Variants in ARRB2 observed in about 807,000 individuals in gnomAD.
The protein encoded by ARRB2 is beta-arrestin-2.
ARRB2 carries 21 observed loss-of-function variants against 53.4 expected under a neutral mutation model. The observed-to-expected ratio is 0.39, with a 90% CI of 0.28 to 0.57. ARRB2 has a LOEUF of 0.57. Among genes scored for constraint, ARRB2 ranks in the 20% least tolerant of loss-of-function variants. The pLI is 0.55. For missense variants in ARRB2, 369 were observed against 527.5 expected (o/e 0.70, Z 2.94); for synonymous variants, 180 against 212.9 (o/e 0.85, Z 1.34).
chr17:4,720,709 A>G (rs900922685), intron 14 of ARRB2, 69 bp downstream of exon 14: 14 of 1,363,046 alleles, frequency 1.0e-5, no homozygotes, highest in South Asian at 4.2e-5. Flanking sequence ...ATCTGCCCTC[A>G]TACCTCTTCC....
At chr17:4,718,532 C>A in intron 9 of ARRB2, 80 bp from the exon 10 acceptor site, 1 of 1,462,222 alleles carries the variant, frequency 6.8e-7, no homozygotes, top group Non-Finnish European at 9.4e-7. Context: ...ATGGGGGGGC[C>A]ACGCCACGGG....
At position 4,719,331 on chromosome 17, in the gene ARRB2, C is replaced by G. The variant is rs376959080; in HGVS notation, c.828C>G (p.Thr276=). The change falls in exon 11 of 15, where the codon ACC becomes ACG. Residue 276 remains threonine, a synonymous_variant. Transcript: ENST00000269260. ...CATTCTGTAAGGTGTACACCATAAC[C>G]CCACTGCTCAGCGACAACCGGGAGA... is the stretch of plus-strand genomic sequence containing the variant. ...SSTFCKVYTI[T]PLLSDNREKR... 8.7e-6 allele frequency: 14 copies of G among 1,614,144 alleles called. No homozygotes were observed. Among genetic ancestry groups the G allele is most frequent in the Non-Finnish European group, 1.2e-5 (14 of 1,180,000 alleles).
Position 4,720,222 on chromosome 17 carries a change from G to A in ARRB2, c.924G>A (p.Lys308=), listed in dbSNP as rs764213737. The A allele has an allele frequency of 3.1e-6, 5 of 1,612,886 alleles. No homozygotes were observed. In the Admixed American group the frequency reaches 8.4e-5, roughly 27 times the overall value. ...DTNLASSTIV[K]EGANKEVLGI... Reference sequence around the variant, plus strand: ...CCAACACCCTCAATTGCAGCGTGAAGGAGGGTGCCAACAAGGAGGTGCTGG... The same window carrying A: ...CCAACACCCTCAATTGCAGCGTGAAAGAGGGTGCCAACAAGGAGGTGCTGG... Residue 308 remains lysine (K), a synonymous_variant, in exon 12 of 15, where the codon AAG becomes AAA. Coordinates refer to ENST00000269260, the MANE Select transcript of ARRB2 (RefSeq NM_004313.4).
At chr17:4,718,847 C>T (rs7218699) in intron 10 of ARRB2, among the ~76,000 whole-genome samples, 163 bp downstream of exon 10, 1,693 of 148,710 alleles carry the variant, frequency 0.011, 38 homozygotes, top group African/African-American at 0.038. Context: ...AATGGGGCAA[C>T]CTCTGCTCAC....
At chr17:4,716,286 G>A (rs908867439) in intron 4 of ARRB2, 95 bp downstream of exon 4, 1 of 1,606,790 alleles carries the variant, frequency 6.2e-7, no homozygotes, top group African/African-American at 1.3e-5. Flanking sequence ...GATGGAGGCT[G>A]GAGGTGGAAG....
chr17:4,713,108 G>C (rs1262972005), intron 1 of ARRB2, among the ~76,000 whole-genome samples: 1 of 152,214 alleles, frequency 6.6e-6, no homozygotes, highest in Middle Eastern at 3.2e-3. Flanking sequence ...TGTAATCCCA[G>C]CACTTTGGGA....
At chr17:4,713,415 G>A (rs1232030250) in intron 1 of ARRB2, among the ~76,000 whole-genome samples, 2 of 151,814 alleles carry the variant, frequency 1.3e-5, no homozygotes, top group African/African-American at 4.8e-5. Context: ...GGTGGATCAC[G>A]AGGTCGGGAG....
chr17:4,717,836 T>G lies in ARRB2; in HGVS notation c.486-52T>G, dbSNP rs1915231895. 3.7e-6 allele frequency: 6 copies of G among 1,611,054 alleles called. No individual in the cohort carries two copies. The highest frequency in any genetic ancestry group is 5.1e-6 in the Non-Finnish European group (6 of 1,178,994). ...GCCCAGGCCCCGTGCGGGGGAGGAGTAGGGTTGGGGTGTGTGAGGAATGAC... is the reference window on the plus strand; with the variant it reads ...GCCCAGGCCCCGTGCGGGGGAGGAGGAGGGTTGGGGTGTGTGAGGAATGAC... On this transcript the variant is annotated intron_variant, in intron 7 of 14. Transcript: ENST00000269260. This position sits in a 1 kb window ranked among gnomAD's most constrained non-coding sequence, Gnocchi z 6.0.
intron 4 of ARRB2, 87 bp from the exon 5 acceptor site, chr17:4,716,325 G>A: frequency 6.2e-7 from 1 of 1,611,060 alleles, no homozygotes; most frequent in Non-Finnish European, 8.5e-7. Context: ...CAAGTCTTAT[G>A]CTGCTGAGGG....
At position 4,720,470 on chromosome 17, in the gene ARRB2, C is replaced by CA. The variant is rs1285004560; in HGVS notation, c.1080dup (p.Ala361SerfsTer15). On this transcript the variant is annotated frameshift_variant and splice_region_variant, in exon 13 of 15. Coordinates refer to ENST00000269260, the MANE Select transcript of ARRB2 (RefSeq NM_004313.4). LOFTEE classifies it high-confidence loss of function. Reference sequence around the variant, plus strand: ...CACATCCCCCTCCCCAGACCCCAGTCAGGTGAGCACACTACCCACCCCAAG... The same window carrying CA: ...CACATCCCCCTCCCCAGACCCCAGTCAAGGTGAGCACACTACCCACCCCAAG... 1 of 1,611,216 alleles carries CA rather than the reference C, an allele frequency of 6.2e-7. No homozygotes were observed. The highest frequency in any genetic ancestry group is 8.5e-7 in the Non-Finnish European group (1 of 1,178,134).
chr17:4,710,885 C>T, intron 1 of ARRB2, 141 bp downstream of exon 1: 3 of 393,280 alleles, frequency 7.6e-6, no homozygotes, highest in Non-Finnish European at 1.3e-5. Flanking sequence ...GGGCCGCACG[C>T]GCAGGTCCTC....
Position 4,719,282 on chromosome 17 carries a change from G to A in ARRB2, c.780-1G>A, listed in dbSNP as rs369439766. The A allele has an allele frequency of 1.2e-6, 2 of 1,610,806 alleles. No individual in the cohort carries two copies. Among genetic ancestry groups the A allele is most frequent in the Non-Finnish European group, 1.7e-6 (2 of 1,177,780 alleles). On this transcript the variant is annotated splice_acceptor_variant, in intron 10 of 14. Coordinates refer to ENST00000269260, the MANE Select transcript of ARRB2 (RefSeq NM_004313.4). LOFTEE classifies it high-confidence loss of function. ...TCTTGTTCTCTTGTCCCCACCCCCAGTGACCAGGTATCTCCCAGCTCCACA... is the reference window on the plus strand; with the variant it reads ...TCTTGTTCTCTTGTCCCCACCCCCAATGACCAGGTATCTCCCAGCTCCACA...
At position 4,718,323 on chromosome 17, in the gene ARRB2, C is replaced by T; in HGVS notation, c.684C>T (p.Thr228=). The change falls in exon 9 of 15, where the codon ACC becomes ACT. Residue 228 remains threonine (T), a synonymous_variant. Coordinates refer to ENST00000269260, the MANE Select transcript of ARRB2 (RefSeq NM_004313.4). ...NVHVTNNSTK[T]VKKIKVSVRQ... is the part of the protein sequence containing the mutation. ...ACGTCACCAACAACTCCACCAAGAC[C>T]GTCAAGAAGATCAAAGTCTCTGGTA... 3 of 1,612,108 alleles carry T rather than the reference C, an allele frequency of 1.9e-6. No homozygotes were observed. The highest frequency in any genetic ancestry group is 1.1e-5 in the South Asian group (1 of 90,594).
Position 4,715,777 on chromosome 17 carries a change from G to C in ARRB2, c.55-196G>C, listed in dbSNP as rs1567681765. 4.8e-6 allele frequency: 3 copies of C among 619,546 alleles called. No homozygotes were observed. The East Asian group carries it at 8.3e-5, about 17-fold the overall frequency. The allele number at this position is 619,546 out of a possible 1,614,324, so 38.4% of individuals were successfully genotyped here. A position where few individuals can be genotyped will look rare whatever the true frequency, so the allele number is the denominator to read the frequency against. On this transcript the variant is annotated intron_variant, in intron 2 of 14. Coordinates refer to ENST00000269260, the MANE Select transcript of ARRB2 (RefSeq NM_004313.4). Reference sequence around the variant, plus strand: ...AGAGGTGTGCAGAGATAAAGGAGCAGCTCAAAAGCCTAAAGGTCCACTAGT... The same window carrying C: ...AGAGGTGTGCAGAGATAAAGGAGCACCTCAAAAGCCTAAAGGTCCACTAGT...
intron 12 of ARRB2, 29 bp downstream of exon 12, chr17:4,720,328 G>A (rs1476697925): frequency 6.2e-7 from 1 of 1,613,690 alleles, no homozygotes; most frequent in Non-Finnish European, 8.5e-7. Context: ...CCTGGGTGGG[G>A]GTCACACTGG....
intron 5 of ARRB2, 113 bp downstream of exon 5, chr17:4,716,721 C>A: frequency 6.9e-7 from 1 of 1,456,728 alleles, no homozygotes; most frequent in South Asian, 1.4e-5. Flanking sequence ...GGCAGGGACC[C>A]TAGATCCACT....
intron 2 of ARRB2, chr17:4,715,296 G>A (rs1914833093): frequency 3.8e-6 from 2 of 521,024 alleles, no homozygotes; most frequent in Non-Finnish European, 6.8e-6. Context: ...GAGGCCAAAA[G>A]CAAGCCATGT....
chr17:4,712,553 G>C (rs1229205089), intron 1 of ARRB2, among the ~76,000 whole-genome samples: 1 of 152,246 alleles, frequency 6.6e-6, no homozygotes, highest in Non-Finnish European at 1.5e-5. Flanking sequence ...GGATGGGCTA[G>C]TTGGCAGGAT....
In ARRB2 at chr17:4,717,646, AGCCTCCGGTAAGATGTGG is replaced by A. The variant is rs990462579; in HGVS notation, c.418-38_418-21del. On this transcript the variant is annotated intron_variant, in intron 6 of 14. Transcript: ENST00000269260. This position sits in a 1 kb window ranked among gnomAD's most constrained non-coding sequence, Gnocchi z 6.0. ...AAGAAAGGGCAGTGATGGTGGCGGG[AGCCTCCGGTAAGATGTGG>A]CCTTTTCTCCCCTCCCCGAGGCCTG... 6.2e-7 allele frequency: 1 copy of A among 1,612,856 alleles called. No homozygotes were observed. Among genetic ancestry groups the A allele is most frequent in the Non-Finnish European group, 8.5e-7 (1 of 1,179,394 alleles).
Sources: allele counts gnomAD v4.1 joint callset (sites outside exome capture counted in the v4.1 genomes callset), GRCh38; gene constraint gnomAD v4.1.1; non-coding constraint Gnocchi (gnomAD v3.1); transcripts MANE v1.5; gene names NCBI Gene and HGNC (gene_info 2026-07-23, HGNC 2026-07-21).